The following GMDS variants were observed in gnomAD, a reference collection of about 807,000 sequenced individuals.
GMDS encodes GDP-mannose 4,6-dehydratase, also known as GDP-mannose 4,6 dehydratase.
GMDS carries 20 observed loss-of-function variants against 49.9 expected under a neutral mutation model. The observed-to-expected ratio is 0.40, with a 90% confidence interval of 0.28 to 0.58. GMDS has a LOEUF of 0.58. Ranked by LOEUF, GMDS falls within the 20% of genes least tolerant of loss-of-function variation. GMDS has a pLI of 0.42. For missense variants in GMDS, 362 were observed against 481.4 expected, an observed-to-expected ratio of 0.75 and a Z score of 2.32; for synonymous variants, 177 against 178.6, an observed-to-expected ratio of 0.99 and a Z score of 0.07.
rs765545171 is a variant in GMDS at position 2,191,160 on chromosome 6, C to T, written c.102+54161G>A. Among the ~76,000 whole-genome samples, 29 of 152,124 alleles carry T rather than the reference C, an allele frequency of 1.9e-4. No homozygotes were observed. The highest frequency in any genetic ancestry group is 4.1e-4 in the South Asian group (2 of 4,830). Reference sequence around the variant, plus strand: ...CCAGAGAGGACTCTGCACAGGGCCACCCACAGCCATGTCCCCAGGGGTCCG... The same window carrying T: ...CCAGAGAGGACTCTGCACAGGGCCATCCACAGCCATGTCCCCAGGGGTCCG... On this transcript the variant is annotated intron_variant, in intron 1 of 10. Coordinates refer to ENST00000380815, the MANE Select transcript of GMDS (RefSeq NM_001500.4). This position sits in a 1 kb window ranked among gnomAD's most constrained non-coding sequence, Gnocchi z 4.6.
At chr6:2,124,849 C>T (rs1232546439) in intron 1 of GMDS, 118 bp from the exon 2 acceptor site, 1 of 710,858 alleles carries the variant, frequency 1.4e-6, no homozygotes, top group Non-Finnish European at 2.5e-6. Context: ...ACAATGGCAA[C>T]CTAAAATAAA....
intron 8 of GMDS, among the ~76,000 whole-genome samples, chr6:1,732,944 G>A (rs980968421): frequency 6.6e-6 from 1 of 152,158 alleles, no homozygotes; most frequent in Non-Finnish European, 1.5e-5. Flanking sequence ...CCCCCTCCCC[G>A]CAGGCCCCTC....
At chr6:1,907,723 G>C (rs367916216) in intron 7 of GMDS, among the ~76,000 whole-genome samples, 2 of 152,152 alleles carry the variant, frequency 1.3e-5, no homozygotes, top group South Asian at 4.1e-4. Context: ...AGCCTCCTGA[G>C]CTGGTACACA....
chr6:2,077,634 A>G (rs918523267), intron 4 of GMDS, among the ~76,000 whole-genome samples: 7 of 152,110 alleles, frequency 4.6e-5, no homozygotes, highest in African/African-American at 1.4e-4. Flanking sequence ...TATAAAGCCC[A>G]CTTGATTGTG....
intron 8 of GMDS, among the ~76,000 whole-genome samples, chr6:1,738,209 A>G (rs1257509340): frequency 6.6e-6 from 1 of 151,808 alleles, no homozygotes; most frequent in Non-Finnish European, 1.5e-5. Context: ...ACACACATAC[A>G]CACACACAGA....
rs865914315 is a variant in GMDS at position 1,999,336 on chromosome 6, A to C, written c.346-38370T>G. 5.5e-3 allele frequency among the ~76,000 whole-genome samples: 832 copies of C among 151,920 alleles called. 6 individuals are homozygous for C. Among genetic ancestry groups the C allele is most frequent in the African/African-American group, 0.019 (778 of 41,440 alleles). The stretch of plus-strand genomic sequence containing the variant: ...ACTCTGTCTCAAAAAAAAAAAAAAA[A>C]AAAACTGCAGATAATGAATTAACTG... On this transcript the variant is annotated intron_variant, in intron 4 of 10. Transcript: ENST00000380815.
chr6:1,797,410 T>C (rs1769783761), intron 7 of GMDS, among the ~76,000 whole-genome samples: 2 of 152,238 alleles, frequency 1.3e-5, no homozygotes, highest in Non-Finnish European at 2.9e-5. Flanking sequence ...GTCATAAATA[T>C]TTTAATAGAC....
intron 9 of GMDS, among the ~76,000 whole-genome samples, chr6:1,710,480 C>T (rs756593125): frequency 1.8e-4 from 27 of 152,356 alleles, no homozygotes; most frequent in Non-Finnish European, 3.1e-4. Context: ...GTGGTCAGAC[C>T]TGATGGAGCT....
At chr6:1,698,394 C>G (rs1765417660) in intron 9 of GMDS, among the ~76,000 whole-genome samples, 1 of 152,208 alleles carries the variant, frequency 6.6e-6, no homozygotes, top group African/African-American at 2.4e-5. Context: ...CCGTGTGGTC[C>G]AAACACACAC....
At chr6:1,797,521 A>G (rs1443296290) in intron 7 of GMDS, among the ~76,000 whole-genome samples, 1 of 152,244 alleles carries the variant, frequency 6.6e-6, no homozygotes, top group Non-Finnish European at 1.5e-5. Flanking sequence ...AGTGGCAAGT[A>G]TATGTCAGTA....
At chr6:2,089,190 C>A (rs1004516712) in intron 4 of GMDS, among the ~76,000 whole-genome samples, 4 of 152,104 alleles carry the variant, frequency 2.6e-5, no homozygotes, top group African/African-American at 7.2e-5. Flanking sequence ...GTTCTTTTAT[C>A]TGGGGCCAGA....
intron 7 of GMDS, among the ~76,000 whole-genome samples, chr6:1,828,845 T>A (rs1212341896): frequency 6.6e-6 from 1 of 152,194 alleles, no homozygotes; most frequent in East Asian, 1.9e-4. Flanking sequence ...CATGGAGGGT[T>A]AGGGGTGCCA....
chr6:1,721,356 G>C (rs1467397823), intron 9 of GMDS, among the ~76,000 whole-genome samples: 1 of 151,732 alleles, frequency 6.6e-6, no homozygotes, highest in Admixed American at 6.6e-5. Flanking sequence ...TATCTATAAA[G>C]ATTAGGAATA....
At chr6:1,736,654 G>A (rs1315478981) in intron 8 of GMDS, among the ~76,000 whole-genome samples, 1 of 152,226 alleles carries the variant, frequency 6.6e-6, no homozygotes, top group African/African-American at 2.4e-5. Flanking sequence ...GCAAGCTGCT[G>A]AGGTGGGAGT....
At chr6:1,730,136 G>T (rs1766736217) in intron 8 of GMDS, among the ~76,000 whole-genome samples, 1 of 152,228 alleles carries the variant, frequency 6.6e-6, no homozygotes, top group Admixed American at 6.5e-5. Context: ...TTTAATTAGG[G>T]TATGGAAGTA....
intron 7 of GMDS, among the ~76,000 whole-genome samples, chr6:1,862,754 T>C (rs928679842): frequency 3.3e-5 from 5 of 152,188 alleles, no homozygotes; most frequent in Non-Finnish European, 4.4e-5. Flanking sequence ...TCTTATTATG[T>C]TGTGCCGGTG....
At chr6:1,899,195 A>G (rs1760373217) in intron 7 of GMDS, among the ~76,000 whole-genome samples, 1 of 152,134 alleles carries the variant, frequency 6.6e-6, no homozygotes, top group East Asian at 1.9e-4. Context: ...CACCAGGCAC[A>G]TGGTAAATAA....
chr6:1,947,633 G>A (rs1034191859), intron 6 of GMDS, among the ~76,000 whole-genome samples: 7 of 152,158 alleles, frequency 4.6e-5, no homozygotes, highest in African/African-American at 1.7e-4. Flanking sequence ...CTTACCAACA[G>A]AAATAGAAGG....
chr6:2,120,748 A>C (rs889211351), intron 2 of GMDS, among the ~76,000 whole-genome samples: 9 of 152,216 alleles, frequency 5.9e-5, no homozygotes, highest in African/African-American at 2.2e-4. Flanking sequence ...CGCTTTCATA[A>C]AAAGCTTCAT....
Sources: gnomAD v4.1 joint callset for allele counts (sites outside exome capture counted in the v4.1 genomes callset) on GRCh38, gnomAD v4.1.1 for gene constraint, Gnocchi (gnomAD v3.1) non-coding constraint, MANE v1.5 for transcripts, NCBI Gene and HGNC (gene_info 2026-07-23, HGNC 2026-07-21) for gene names.